The following FILIP1 variants were observed in gnomAD, a reference collection of about 807,000 sequenced individuals.
FILIP1 encodes filamin A interacting protein 1.
In FILIP1, 61 loss-of-function variants were observed where a neutral mutation model predicts 102.1. The ratio of observed to expected loss-of-function variants is 0.60; its 90% CI spans 0.49 to 0.74. The LOEUF (loss-of-function observed/expected upper bound fraction) is 0.74, where lower values mean the gene tolerates loss of function less well. Among genes scored for constraint, FILIP1 ranks in the 30% least tolerant of loss-of-function variants. The pLI is 0.00. For synonymous variants in FILIP1, 491 were observed against 526.9 expected (o/e 0.93, Z 0.93); for missense variants, 1,314 against 1,441.2 (o/e 0.91, Z 1.43).
chr6:75,317,407 G>T (rs1045496627), intron 4 of FILIP1, among the ~76,000 whole-genome samples: 6 of 152,190 alleles, frequency 3.9e-5, no homozygotes, highest in Non-Finnish European at 7.3e-5. Context: ...TAAAGTGACA[G>T]ATACATAGAC....
rs74296344 is a variant in FILIP1, at chr6:75,336,088, T to C, written c.629+17451A>G. ...CAATTAGTTATTGTTTTGTTTTTTG[T>C]TGTTGTTTTGTTTTTTAGCTATTTT... On this transcript the variant is annotated intron_variant, in intron 4 of 5. Coordinates refer to ENST00000237172, the MANE Select transcript of FILIP1 (RefSeq NM_015687.5). 7.1e-3 allele frequency among the ~76,000 whole-genome samples: 1,083 copies of C among 152,282 alleles called. 36 individuals are homozygous for C. The East Asian group carries it at 0.11, about 15-fold the overall frequency.
chr6:75,409,570 G>A (rs1176292227), intron 2 of FILIP1, among the ~76,000 whole-genome samples: 1 of 152,060 alleles, frequency 6.6e-6, no homozygotes, highest in Non-Finnish European at 1.5e-5. Context: ...TCCTTGCTCA[G>A]GGACCTATAA....
chr6:75,474,537 G>GATAC (rs1779419497), intron 1 of FILIP1, among the ~76,000 whole-genome samples: 1 of 152,154 alleles, frequency 6.6e-6, no homozygotes, highest in African/African-American at 2.4e-5. Flanking sequence ...TATGCAAACA[G>GATAC]AGGGACCAAA....
At chr6:75,372,657 G>GAAAGAAAA (rs1562514433) in intron 2 of FILIP1, among the ~76,000 whole-genome samples, 1 of 58,504 alleles carries the variant, frequency 1.7e-5, no homozygotes, top group Non-Finnish European at 3.2e-5. Context: ...AAGAAAGAAA[G>GAAAGAAAA]AAAGAAAGAA....
chr6:75,397,540 A>ATAT (rs1349623971), intron 2 of FILIP1, among the ~76,000 whole-genome samples: 139 of 7,964 alleles, frequency 0.017, no homozygotes, highest in Non-Finnish European at 0.026. Flanking sequence ...CATATAAGAC[A>ATAT]CACACACACA....
chr6:75,371,263 G>C (rs1370431277), intron 2 of FILIP1, among the ~76,000 whole-genome samples: 1 of 152,044 alleles, frequency 6.6e-6, no homozygotes, highest in Non-Finnish European at 1.5e-5. Context: ...CAACTATATG[G>C]TCAATAGTAG....
At chr6:75,299,637 C>T (rs576936255) in intron 6 of FILIP1, among the ~76,000 whole-genome samples, 1 of 152,188 alleles carries the variant, frequency 6.6e-6, no homozygotes, top group East Asian at 1.9e-4. Flanking sequence ...ATATGTTTCT[C>T]TCCAGTGTTA....
At chr6:75,365,473 C>T (rs916777470) in intron 2 of FILIP1, among the ~76,000 whole-genome samples, 1 of 152,082 alleles carries the variant, frequency 6.6e-6, no homozygotes, top group East Asian at 1.9e-4. Flanking sequence ...CGGGTTCAAG[C>T]GATTCTCCTG....
intron 1 of FILIP1, among the ~76,000 whole-genome samples, chr6:75,468,200 G>A (rs1779225980): frequency 6.6e-6 from 1 of 152,192 alleles, no homozygotes; most frequent in Non-Finnish European, 1.5e-5. Flanking sequence ...CTCTCTCTAA[G>A]CAGCCTGCCG....
At chr6:75,343,197 C>T (rs1313800581) in intron 4 of FILIP1, among the ~76,000 whole-genome samples, 1 of 152,174 alleles carries the variant, frequency 6.6e-6, no homozygotes. Flanking sequence ...CAGCCATCTA[C>T]AAGGCAACAG....
intron 5 of FILIP1, among the ~76,000 whole-genome samples, chr6:75,310,560 C>T (rs928051162): frequency 6.6e-6 from 1 of 152,156 alleles, no homozygotes; most frequent in African/African-American, 2.4e-5. Context: ...TAGACAGTTG[C>T]TTTGAAATGC....
chr6:75,410,396 A>T (rs1351982392), intron 2 of FILIP1, among the ~76,000 whole-genome samples: 1 of 143,568 alleles, frequency 7.0e-6, no homozygotes, highest in Non-Finnish European at 1.5e-5. Flanking sequence ...TTTTTTTGAG[A>T]TTTTTTTTTT....
chr6:75,318,511 C>G (rs1186564209), intron 4 of FILIP1, among the ~76,000 whole-genome samples: 2 of 152,054 alleles, frequency 1.3e-5, no homozygotes, highest in Non-Finnish European at 2.9e-5. Context: ...GCTGGGATTA[C>G]AGGTGTGAGC....
intron 2 of FILIP1, among the ~76,000 whole-genome samples, chr6:75,397,642 G>A (rs1776513390): frequency 6.7e-6 from 1 of 149,522 alleles, no homozygotes; most frequent in Admixed American, 6.7e-5. Flanking sequence ...CCCATCTCAG[G>A]GCAGACCCAT....
At chr6:75,447,085 C>T (rs1418118635) in intron 1 of FILIP1, among the ~76,000 whole-genome samples, 1 of 151,822 alleles carries the variant, frequency 6.6e-6, no homozygotes, top group Non-Finnish European at 1.5e-5. Context: ...TAGTCAAAAC[C>T]GAAAAAGAAA....
chr6:75,292,207 A>G (rs1176029668), exon 7 of FILIP1: 2 of 152,240 alleles, frequency 1.3e-5, no homozygotes, highest in Non-Finnish European at 2.9e-5. Context: ...AAACACTTAG[A>G]CCTAAAAGAA....
chr6:75,353,998 A>G (rs1230766765), intron 3 of FILIP1, among the ~76,000 whole-genome samples: 1 of 152,092 alleles, frequency 6.6e-6, no homozygotes, highest in Non-Finnish European at 1.5e-5. Flanking sequence ...GATATACCAT[A>G]ATTTTATCCA....
chr6:75,457,284 A>G (rs1256735386), intron 1 of FILIP1, among the ~76,000 whole-genome samples: 1 of 152,198 alleles, frequency 6.6e-6, no homozygotes, highest in African/African-American at 2.4e-5. Context: ...AAAGACATGT[A>G]CCTAAAGCTC....
chr6:75,382,004 A>G (rs932644651), intron 2 of FILIP1, among the ~76,000 whole-genome samples: 4 of 152,272 alleles, frequency 2.6e-5, no homozygotes, highest in African/African-American at 9.6e-5. Flanking sequence ...ATGTAAGCAC[A>G]GAGCAAAGGA....
Sources: allele counts gnomAD v4.1 joint callset (sites outside exome capture counted in the v4.1 genomes callset), GRCh38; gene constraint gnomAD v4.1.1; transcripts MANE v1.5; gene names NCBI Gene and HGNC (gene_info 2026-07-23, HGNC 2026-07-21).